MIB1: variants seen among roughly 807,000 people sequenced by gnomAD.
The protein encoded by MIB1 is E3 ubiquitin-protein ligase MIB1.
In MIB1, 278 loss-of-function variants were observed where a neutral mutation model predicts 124.5. That is an observed-to-expected ratio of 2.23 (90% CI 2.02 to 2.47). MIB1 has a LOEUF of 2.47. MIB1 is among the 30% of genes most tolerant of loss of function. MIB1 has a pLI of 0.00. For missense variants in MIB1, 957 were observed against 1,254.4 expected (o/e 0.76, Z 3.58); for synonymous variants, 446 against 429.4 (o/e 1.04, Z -0.48).
intron 11 of MIB1, among the ~76,000 whole-genome samples, chr18:21,818,250 T>C (rs1312379805): frequency 6.6e-6 from 1 of 152,124 alleles, no homozygotes; most frequent in Non-Finnish European, 1.5e-5. Flanking sequence ...AGCCTGGACA[T>C]CAGATTTTTT....
At chr18:21,722,721 C>T (rs1412631951) in intron 1 of MIB1, among the ~76,000 whole-genome samples, 1 of 152,082 alleles carries the variant, frequency 6.6e-6, no homozygotes, top group Non-Finnish European at 1.5e-5. Context: ...GTCAGGTATC[C>T]TGTAGAATGC....
chr18:21,811,648 T>TAGTCAAAATCATGGGA (rs2041774623), intron 10 of MIB1, among the ~76,000 whole-genome samples: 1 of 152,024 alleles, frequency 6.6e-6, no homozygotes, highest in Non-Finnish European at 1.5e-5. Context: ...GTATAGATAG[T>TAGTCAAAATCATGGGA]AGTCAAAATC....
At chr18:21,714,768 A>G (rs1014518774) in intron 1 of MIB1, among the ~76,000 whole-genome samples, 1 of 152,204 alleles carries the variant, frequency 6.6e-6, no homozygotes, top group Non-Finnish European at 1.5e-5. Flanking sequence ...GCATGCTGTG[A>G]GGCTGCTCAT....
intron 10 of MIB1, among the ~76,000 whole-genome samples, chr18:21,804,883 TC>T (rs1438081736): frequency 6.6e-6 from 1 of 152,204 alleles, no homozygotes; most frequent in Non-Finnish European, 1.5e-5. Context: ...TGTTACTTTT[TC>T]TTTTTTCTCT....
Position 21,791,190 on chromosome 18 carries a change from A to C in MIB1, c.909-184A>C, listed in dbSNP as rs140368774. On this transcript the variant is annotated intron_variant, in intron 6 of 20. Transcript: ENST00000261537. Reference sequence around the variant, plus strand: ...GAGCAAGACTCTGTCTAAAAAAAAAAAAAACAAAACAGAAAACAAACAATG... The same window carrying C: ...GAGCAAGACTCTGTCTAAAAAAAAACAAAACAAAACAGAAAACAAACAATG... 464 of 450,566 alleles carry C rather than the reference A, an allele frequency of 1.0e-3. 5 individuals are homozygous for C. Among genetic ancestry groups the C allele is most frequent in the Middle Eastern group, 7.4e-3 (12 of 1,616 alleles). The allele number at this position is 450,566 out of a possible 1,614,324, so 27.9% of individuals were successfully genotyped here. A position where few individuals can be genotyped will look rare whatever the true frequency, so the allele number is the denominator to read the frequency against.
chr18:21,817,686 A>G (rs1312872511), intron 11 of MIB1: 3 of 448,182 alleles, frequency 6.7e-6, no homozygotes, highest in Admixed American at 2.4e-5. Flanking sequence ...TTAGGGGAGC[A>G]TAGGGCTCTG....
intron 6 of MIB1, among the ~76,000 whole-genome samples, chr18:21,781,390 T>A (rs1598607561): frequency 4.3e-5 from 3 of 69,348 alleles, no homozygotes; most frequent in African/African-American, 5.7e-5. Flanking sequence ...TATATATATA[T>A]ATATATATAT....
intron 14 of MIB1, 32 bp from the exon 15 acceptor site, chr18:21,844,060 C>G (rs1555696001): frequency 6.2e-7 from 1 of 1,610,492 alleles, no homozygotes; most frequent in South Asian, 1.1e-5. Context: ...GATGTGGACA[C>G]TTTGCCAAAA....
intron 17 of MIB1, among the ~76,000 whole-genome samples, chr18:21,849,992 A>C (rs567387518): frequency 2.1e-3 from 323 of 152,282 alleles, no homozygotes; most frequent in Middle Eastern, 0.01. Context: ...AAAGCTTCAC[A>C]GTTGGTGCCA....
chr18:21,833,443 A>G (rs1191445898), intron 12 of MIB1, among the ~76,000 whole-genome samples: 1 of 152,192 alleles, frequency 6.6e-6, no homozygotes, highest in African/African-American at 2.4e-5. Flanking sequence ...AGTTTTCTTA[A>G]TAAATTCCTT....
chr18:21,821,603 GTT>G (rs1331934133), intron 12 of MIB1, among the ~76,000 whole-genome samples: 2 of 135,392 alleles, frequency 1.5e-5, no homozygotes, highest in African/African-American at 2.8e-5. Context: ...TGTTTTTTTT[GTT>G]TTTTTTTTTT....
chr18:21,830,836 C>G (rs1007926804), intron 12 of MIB1: 1 of 151,968 alleles, frequency 6.6e-6, no homozygotes, highest in African/African-American at 2.4e-5. Context: ...AAACAAAAAA[C>G]AAGCTTACTT....
At chr18:21,749,641 C>CTTTTTTTTTT (rs10653364) in intron 1 of MIB1, among the ~76,000 whole-genome samples, 43 of 114,538 alleles carry the variant, frequency 3.8e-4, no homozygotes, top group African/African-American at 8.0e-4. Flanking sequence ...CTACCTTACT[C>CTTTTTTTTTT]TTTTTTTTTT....
At chr18:21,718,370 G>T (rs2040699028) in intron 1 of MIB1, among the ~76,000 whole-genome samples, 1 of 152,122 alleles carries the variant, frequency 6.6e-6, no homozygotes, top group African/African-American at 2.4e-5. Flanking sequence ...AACACCACCT[G>T]TTCCGCAATA....
At chr18:21,719,350 A>T (rs192802163) in intron 1 of MIB1, among the ~76,000 whole-genome samples, 177 of 152,068 alleles carry the variant, frequency 1.2e-3, no homozygotes, top group East Asian at 3.7e-3. Flanking sequence ...GAAAAAAAGG[A>T]CCATATGAAA....
At chr18:21,826,465 T>C (rs1000882824) in intron 12 of MIB1, 3 of 152,146 alleles carry the variant, frequency 2.0e-5, no homozygotes, top group African/African-American at 7.2e-5. Context: ...CTTAGTAATT[T>C]AACCCTTTTA....
chr18:21,736,337 A>C (rs2146367589), upstream of MIB1, among the ~76,000 whole-genome samples: 1 of 152,318 alleles, frequency 6.6e-6, no homozygotes, highest in East Asian at 1.9e-4. Context: ...TATCAACATC[A>C]ACAAAAAGGA....
intron 6 of MIB1, among the ~76,000 whole-genome samples, chr18:21,783,528 C>T (rs925033094): frequency 3.9e-5 from 6 of 152,122 alleles, no homozygotes; most frequent in African/African-American, 1.4e-4. Context: ...CAGGTGTGAG[C>T]CGCTGTGCCC....
At chr18:21,822,914 A>G (rs1598627812) in intron 12 of MIB1, among the ~76,000 whole-genome samples, 1 of 152,036 alleles carries the variant, frequency 6.6e-6, no homozygotes, top group African/African-American at 2.4e-5. Flanking sequence ...AACCTGGGCA[A>G]TGTAGCAAGA....
Sources: allele counts gnomAD v4.1 joint callset (sites outside exome capture counted in the v4.1 genomes callset), GRCh38; gene constraint gnomAD v4.1.1; transcripts MANE v1.5; gene names NCBI Gene and HGNC (gene_info 2026-07-23, HGNC 2026-07-21).